Variants in BIRC6 observed in about 807,000 individuals in gnomAD.
BIRC6 encodes the protein baculoviral IAP repeat containing 6.
In BIRC6, 98 loss-of-function variants were observed where a neutral mutation model predicts 503.3. The ratio of observed to expected loss-of-function variants is 0.19; its 90% CI spans 0.17 to 0.23. BIRC6 has a LOEUF of 0.23. Ranked by LOEUF, BIRC6 falls within the 10% of genes least tolerant of loss-of-function variation. The pLI is 1.00. For missense variants in BIRC6, 5,360 were observed against 5,806.0 expected (o/e 0.92, Z 2.50); for synonymous variants, 2,240 against 2,078.7 (o/e 1.08, Z -2.11).
intron 66 of BIRC6, among the ~76,000 whole-genome samples, chr2:32,585,543 C>A (rs2060970963): frequency 6.6e-6 from 1 of 152,080 alleles, no homozygotes; most frequent in South Asian, 2.1e-4. Flanking sequence ...CCACACCCGG[C>A]TAATTTTTGT....
At chr2:32,481,901 A>G (rs2149201169) in intron 38 of BIRC6, among the ~76,000 whole-genome samples, 1 of 152,352 alleles carries the variant, frequency 6.6e-6, no homozygotes, top group South Asian at 2.1e-4. Flanking sequence ...TTCAAAATGA[A>G]ATTGCTATAG....
intron 3 of BIRC6, among the ~76,000 whole-genome samples, chr2:32,385,663 G>T (rs1353378442): frequency 6.6e-6 from 1 of 152,210 alleles, no homozygotes; most frequent in Non-Finnish European, 1.5e-5. Context: ...TCTAGTGTCA[G>T]TGTCATTGAA....
intron 1 of BIRC6, among the ~76,000 whole-genome samples, chr2:32,367,046 AAAGTT>A (rs1369373803): frequency 6.6e-6 from 1 of 152,230 alleles, no homozygotes; most frequent in Non-Finnish European, 1.5e-5. Flanking sequence ...GGGATACAAA[AAAGTT>A]AAGATAAACT....
At chr2:32,441,199 A>C in intron 16 of BIRC6, 130 bp from the exon 17 acceptor site, 1 of 690,046 alleles carries the variant, frequency 1.4e-6, no homozygotes, top group Non-Finnish European at 2.4e-6. Context: ...GGTACAAGCT[A>C]TCATTTTAAC....
At chr2:32,432,559 C>T (rs909763912) in intron 12 of BIRC6, among the ~76,000 whole-genome samples, 75 of 151,976 alleles carry the variant, frequency 4.9e-4, no homozygotes, top group African/African-American at 1.7e-3. Context: ...GTGTTCAAGA[C>T]CCACCTGGGC....
intron 10 of BIRC6, among the ~76,000 whole-genome samples, chr2:32,420,811 T>G (rs557947444): frequency 6.6e-6 from 1 of 152,112 alleles, no homozygotes; most frequent in South Asian, 2.1e-4. Flanking sequence ...CATGCCTGGC[T>G]CCTTACATTC....
intron 65 of BIRC6, among the ~76,000 whole-genome samples, chr2:32,556,653 A>T (rs964404966): frequency 1.3e-5 from 2 of 152,144 alleles, no homozygotes; most frequent in Non-Finnish European, 2.9e-5. Context: ...GAAATGCTTT[A>T]AAAAAGTCCT....
rs142449839 is a variant in BIRC6 at position 32,415,709 on chromosome 2, T to C, written c.2418T>C (p.Asp806=). 3 of 1,613,894 alleles carry C rather than the reference T, an allele frequency of 1.9e-6. No homozygotes were observed. The highest frequency in any genetic ancestry group is 2.2e-5 in the South Asian group (2 of 91,088). Residue 806 remains aspartate (D), a synonymous_variant, in exon 10 of 74, where the codon GAT becomes GAC. Coordinates refer to ENST00000421745, the MANE Select transcript of BIRC6 (RefSeq NM_016252.4). ...TAATCCAACATGAATCACCAGCAGA[T>C]GTACAGACTCCTTTAATAATTCAGC... is the stretch of plus-strand genomic sequence containing the variant. ...ISVIQHESPA[D]VQTPLIIQPE...
chr2:32,612,209 C>G (rs1282557535), intron 73 of BIRC6, among the ~76,000 whole-genome samples: 1 of 152,190 alleles, frequency 6.6e-6, no homozygotes, highest in East Asian at 1.9e-4. Flanking sequence ...CCTAGGCCTC[C>G]TGCCTTCCAG....
intron 70 of BIRC6, chr2:32,602,354 G>T (rs1410142696): frequency 2.0e-5 from 3 of 152,164 alleles, no homozygotes; most frequent in Non-Finnish European, 4.4e-5. Context: ...AATATTGCAT[G>T]TTCTCACTCA....
rs1201804160 is a variant in BIRC6 at position 32,481,441 on chromosome 2, C to G, written c.7530C>G (p.Ala2510=). 1.9e-6 allele frequency: 3 copies of G among 1,609,958 alleles called. No individual in the cohort carries two copies. The Admixed American group carries it at 5.0e-5, about 27-fold the overall frequency. The change falls in exon 38 of 74, where the codon GCC becomes GCG. Residue 2510 remains alanine (A), a synonymous_variant. Transcript: ENST00000421745. ...ATTTGGAAAAGGACCCTCTTGCAGC[C>G]AAGGTTTTTAAGGTATGATACATGA... ...DIDLEKDPLA[A]KVFKPISSTW... is the part of the protein sequence containing the mutation.
Position 32,465,250 on chromosome 2 carries a change from T to A in BIRC6, c.5356+86T>A, listed in dbSNP as rs1169512425. The A allele has an allele frequency of 1.4e-3, 76 of 54,718 alleles. No homozygotes were observed. In the Middle Eastern group the frequency reaches 0.024, roughly 18 times the overall value. 3.4% of individuals were successfully genotyped at this position (54,718 alleles called of 1,614,324 possible). A position where few individuals can be genotyped will look rare whatever the true frequency, so the allele number is the denominator to read the frequency against. Reference sequence around the variant, plus strand: ...AAAGACTCATTATTCTTCAGTTCGATTTTTTTTTTTTTTTTTTTTGCAAAT... The same window carrying A: ...AAAGACTCATTATTCTTCAGTTCGAATTTTTTTTTTTTTTTTTTTGCAAAT... On this transcript the variant is annotated intron_variant, in intron 26 of 73. Transcript: ENST00000421745.
intron 48 of BIRC6, 57 bp downstream of exon 48, chr2:32,502,948 A>G (rs2053369124): frequency 1.3e-6 from 2 of 1,536,712 alleles, no homozygotes; most frequent in South Asian, 1.2e-5. Context: ...AGTATGTTAC[A>G]TTTTCATTTT....
intron 65 of BIRC6, among the ~76,000 whole-genome samples, chr2:32,552,006 C>A (rs577605413): frequency 1.3e-5 from 2 of 152,136 alleles, no homozygotes; most frequent in African/African-American, 4.8e-5. Flanking sequence ...ACATAATAGC[C>A]TTTTCTGAGA....
intron 53 of BIRC6, among the ~76,000 whole-genome samples, chr2:32,512,241 G>A (rs532688490): frequency 6.6e-6 from 1 of 152,258 alleles, no homozygotes; most frequent in East Asian, 1.9e-4. Context: ...CTTTTAGTGT[G>A]AAGCCAAGAA....
chr2:32,547,993 A>G lies in BIRC6; in HGVS notation c.12954A>G (p.Glu4318=), dbSNP rs754812674. The G allele has an allele frequency of 2.5e-6, 4 of 1,606,076 alleles. No homozygotes were observed. The highest frequency in any genetic ancestry group is 1.3e-5 in the African/African-American group (1 of 74,456). Residue 4318 remains glutamate (E), a synonymous_variant, in exon 64 of 74, where the codon GAA becomes GAG. Coordinates refer to ENST00000421745, the MANE Select transcript of BIRC6 (RefSeq NM_016252.4). ...TAACTAAGCAAAGGCTGGAAGAGGA[A>G]CATGTTACCTGCCTTCTGCAGGTAT... ...QALTKQRLEE[E]HVTCLLQVLA...
In BIRC6 at chr2:32,468,665, G is replaced by C; in HGVS notation, c.6009G>C (p.Lys2003Asn). 1 of 1,613,994 alleles carries C rather than the reference G, an allele frequency of 6.2e-7. No individual in the cohort carries two copies. Among genetic ancestry groups the C allele is most frequent in the East Asian group, 2.2e-5 (1 of 44,882 alleles). The change falls in exon 29 of 74, where the codon AAG becomes AAC. Residue 2003 changes from lysine to asparagine, a missense_variant. By Grantham distance (94) the Lys-to-Asn change is moderately conservative. Transcript: ENST00000421745. ...AAGTGGCGCTAGGTGCAAGCCGGAA[G>C]ATGTTGAGTGAAACATCAAATCCAG... ...RLKVALGASRKMLSETSNPED... is the reference protein window; with the variant it reads ...RLKVALGASRNMLSETSNPED...
At position 32,465,171 on chromosome 2, in the gene BIRC6, T is replaced by A; in HGVS notation, c.5356+7T>A. 6.9e-7 allele frequency: 1 copy of A among 1,448,022 alleles called. No homozygotes were observed. The highest frequency in any genetic ancestry group is 2.4e-5 in the East Asian group (1 of 41,072). 89.7% of individuals were successfully genotyped at this position (1,448,022 alleles called of 1,614,324 possible). A position where few individuals can be genotyped will look rare whatever the true frequency, so the allele number is the denominator to read the frequency against. On this transcript the variant is annotated splice_region_variant and intron_variant, in intron 26 of 73. Transcript: ENST00000421745. ...ATAGAGCGAATGCATTCAGGTAATC[T>A]TTTACTTTCTTAAATTTTTTTTTTT...
At chr2:32,509,717 C>G (rs1443867783) in intron 51 of BIRC6, 21 bp from the exon 52 acceptor site, 1 of 1,612,746 alleles carries the variant, frequency 6.2e-7, no homozygotes, top group Non-Finnish European at 8.5e-7. Flanking sequence ...ATTGATCATA[C>G]AAGTCATTTT....
Sources: gnomAD v4.1 joint callset for allele counts (sites outside exome capture counted in the v4.1 genomes callset) on GRCh38, gnomAD v4.1.1 for gene constraint, MANE v1.5 for transcripts, NCBI Gene and HGNC (gene_info 2026-07-23, HGNC 2026-07-21) for gene names.